CYP4F22: variants seen among roughly 807,000 people sequenced by gnomAD.
CYP4F22 encodes the protein ultra-long-chain fatty acid omega-hydroxylase.
CYP4F22 carries 37 observed loss-of-function variants against 60.4 expected under a neutral mutation model. That is an observed-to-expected ratio of 0.61 (90% CI 0.47 to 0.81). CYP4F22 has a LOEUF of 0.81. Ranked by LOEUF, CYP4F22 falls within the 30% of genes least tolerant of loss-of-function variation. CYP4F22 has a pLI of 0.00. For synonymous variants in CYP4F22, 258 were observed against 280.5 expected (o/e 0.92, Z 0.80); for missense variants, 655 against 715.0 (o/e 0.92, Z 0.96).
intron 1 of CYP4F22, among the ~76,000 whole-genome samples, chr19:15,522,076 C>T (rs1336149090): frequency 1.4e-5 from 2 of 144,286 alleles, no homozygotes; most frequent in Admixed American, 7.2e-5. Flanking sequence ...ACCCAGGAGG[C>T]GGAGGTTGCA....
chr19:15,542,612 A>G (rs927087657), intron 8 of CYP4F22, among the ~76,000 whole-genome samples: 1 of 152,102 alleles, frequency 6.6e-6, no homozygotes, highest in Non-Finnish European at 1.5e-5. Context: ...ACGTAGGTAA[A>G]CATGTGCCAT....
intron 10 of CYP4F22, among the ~76,000 whole-genome samples, chr19:15,544,990 G>A (rs1971504566): frequency 6.6e-6 from 1 of 152,176 alleles, no homozygotes; most frequent in Admixed American, 6.5e-5. Flanking sequence ...GAACCTGGGA[G>A]GTGGAGTTTG....
chr19:15,549,105 C>T (rs1971565743), intron 11 of CYP4F22, 33 bp from the exon 12 acceptor site: 1 of 1,613,604 alleles, frequency 6.2e-7, no homozygotes, highest in Non-Finnish European at 8.5e-7. Flanking sequence ...CCCTGGCTCC[C>T]CTTGGCCCCA....
chr19:15,530,119 TC>T (rs1971326748), intron 4 of CYP4F22, among the ~76,000 whole-genome samples: 1 of 152,168 alleles, frequency 6.6e-6, no homozygotes, highest in Non-Finnish European at 1.5e-5. Context: ...AGGCAGTTGT[TC>T]CTTATGGTTT....
intron 3 of CYP4F22, among the ~76,000 whole-genome samples, chr19:15,528,369 G>A (rs1169353728): frequency 6.6e-6 from 1 of 152,114 alleles, no homozygotes; most frequent in Non-Finnish European, 1.5e-5. Context: ...GCTTCTGTGA[G>A]CTTGGGAATT....
intron 1 of CYP4F22, among the ~76,000 whole-genome samples, chr19:15,521,380 T>C (rs1010460952): frequency 6.6e-6 from 1 of 151,602 alleles, no homozygotes; most frequent in Non-Finnish European, 1.5e-5. Context: ...TACAGGTACC[T>C]GCCACCACAC....
intron 4 of CYP4F22, among the ~76,000 whole-genome samples, chr19:15,536,337 C>CA (rs1221365928): frequency 5.3e-5 from 8 of 151,586 alleles, no homozygotes; most frequent in Admixed American, 2.0e-4. Flanking sequence ...GACCCCATCT[C>CA]AAAAAAACAA....
At chr19:15,533,875 CT>C (rs1971369579) in intron 4 of CYP4F22, among the ~76,000 whole-genome samples, 1 of 151,796 alleles carries the variant, frequency 6.6e-6, no homozygotes, top group African/African-American at 2.4e-5. Context: ...ACCCATTCAC[CT>C]TTTGGATGTT....
Position 15,551,746 on chromosome 19 carries a change from T to G in CYP4F22, c.*275T>G. 3 of 530,562 alleles carry G rather than the reference T, an allele frequency of 5.7e-6. No individual in the cohort carries two copies. Among genetic ancestry groups the G allele is most frequent in the Non-Finnish European group, 6.8e-6 (2 of 296,138 alleles). 32.9% of individuals were successfully genotyped at this position (530,562 alleles called of 1,614,324 possible). A position where few individuals can be genotyped will look rare whatever the true frequency, so the allele number is the denominator to read the frequency against. On this transcript the variant is annotated 3_prime_UTR_variant, in exon 14 of 14. Transcript: ENST00000269703. ...CTGTTTGAGGGACCAGGGTCGACCCTGCCCCCTTGGGCTCAGGCCCCGCCC... is the reference window on the plus strand; with the variant it reads ...CTGTTTGAGGGACCAGGGTCGACCCGGCCCCCTTGGGCTCAGGCCCCGCCC...
At chr19:15,516,702 C>A in intron 1 of CYP4F22, 1 of 536,744 alleles carries the variant, frequency 1.9e-6, no homozygotes, top group Non-Finnish European at 3.4e-6. Flanking sequence ...ATAAGAGATA[C>A]AAATTCATTC....
At position 15,525,336 on chromosome 19, in the gene CYP4F22, G is replaced by T; in HGVS notation, c.-1G>T. The stretch of plus-strand genomic sequence containing the variant: ...ACCCCCTGACCCTGTGTGTCCCCAG[G>T]ATGCTGCCCATCACAGACCGCCTGC... On this transcript the variant is annotated splice_region_variant and 5_prime_UTR_variant, in exon 3 of 14. Coordinates refer to ENST00000269703, the MANE Select transcript of CYP4F22 (RefSeq NM_173483.4). 6.2e-7 allele frequency: 1 copy of T among 1,613,174 alleles called. No homozygotes were observed.
chr19:15,513,439 A>G (rs1971117483), intron 1 of CYP4F22, among the ~76,000 whole-genome samples: 1 of 145,754 alleles, frequency 6.9e-6, no homozygotes. Context: ...ATCTCGGCTC[A>G]CTGCAAACTC....
intron 10 of CYP4F22, among the ~76,000 whole-genome samples, chr19:15,546,304 C>T (rs1345191844): frequency 1.3e-5 from 2 of 151,976 alleles, no homozygotes; most frequent in Admixed American, 1.3e-4. Flanking sequence ...AGAACCTGGG[C>T]CAGGTGCAGT....
chr19:15,538,086 T>G, intron 7 of CYP4F22, 93 bp downstream of exon 7: 3 of 1,567,362 alleles, frequency 1.9e-6, no homozygotes, highest in African/African-American at 1.3e-5. Context: ...TAGACAACTC[T>G]GGCCTATGGG....
At chr19:15,548,079 G>T in intron 10 of CYP4F22, 29 bp from the exon 11 acceptor site, 1 of 1,564,146 alleles carries the variant, frequency 6.4e-7, no homozygotes, top group Non-Finnish European at 8.7e-7. Flanking sequence ...TGGTGGCTCG[G>T]CCTCTAGTTA....
rs370091518 is a variant in CYP4F22 at position 15,543,964 on chromosome 19, A to C, written c.940-7A>C. ...GTGGGCTGAGCACCCTCTACTGCCCATTCCAGGATGAAGATGGAAAGGAAC... is the reference window on the plus strand; with the variant it reads ...GTGGGCTGAGCACCCTCTACTGCCCCTTCCAGGATGAAGATGGAAAGGAAC... On this transcript the variant is annotated splice_polypyrimidine_tract_variant and splice_region_variant and intron_variant, in intron 8 of 13. Transcript: ENST00000269703. The C allele has an allele frequency of 6.2e-7, 1 of 1,613,860 alleles. No homozygotes were observed. Among genetic ancestry groups the C allele is most frequent in the East Asian group, 2.2e-5 (1 of 44,876 alleles).
intron 4 of CYP4F22, among the ~76,000 whole-genome samples, chr19:15,533,696 C>T (rs1020643878): frequency 2.7e-5 from 4 of 147,508 alleles, no homozygotes; most frequent in Admixed American, 2.1e-4. Flanking sequence ...ATCCTGGGCT[C>T]GAGTGATTCT....
chr19:15,510,844 T>A (rs1429604943), intron 1 of CYP4F22, among the ~76,000 whole-genome samples: 3 of 151,102 alleles, frequency 2.0e-5, no homozygotes, highest in African/African-American at 7.3e-5. Context: ...CCAGGCTGAG[T>A]GTGGTGGCTC....
At chr19:15,547,993 GAGGGAGA>G (rs1971547898) in intron 10 of CYP4F22, 108 bp from the exon 11 acceptor site, 1 of 146,080 alleles carries the variant, frequency 6.8e-6, no homozygotes, top group African/African-American at 7.5e-5. Flanking sequence ...GAGAGAGAGA[GAGGGAGA>G]GAGTGTGTGT....
Sources: allele counts gnomAD v4.1 joint callset (sites outside exome capture counted in the v4.1 genomes callset), GRCh38; gene constraint gnomAD v4.1.1; transcripts MANE v1.5; gene names NCBI Gene and HGNC (gene_info 2026-07-23, HGNC 2026-07-21).